Variants in ADAM29 observed in about 807,000 individuals in gnomAD.
The protein encoded by ADAM29 is ADAM metallopeptidase domain 29.
For synonymous variants in ADAM29, 367 were observed against 342.3 expected (o/e 1.07, Z -0.80); for missense variants, 969 against 1,001.8 (o/e 0.97, Z 0.44).
chr4:174,928,340 G>GT (rs1378502817), intron 2 of ADAM29, among the ~76,000 whole-genome samples: 1 of 151,976 alleles, frequency 6.6e-6, no homozygotes, highest in African/African-American at 2.4e-5. Flanking sequence ...TCCTGGAGAT[G>GT]TTTTTTGCCA....
chr4:174,966,004 G>C (rs1441718125), intron 4 of ADAM29, among the ~76,000 whole-genome samples: 1 of 152,186 alleles, frequency 6.6e-6, no homozygotes, highest in African/African-American at 2.4e-5. Flanking sequence ...ACCTCTCGCA[G>C]ATACCAAAAC....
Position 174,975,782 on chromosome 4 carries a change from AGG to A in ADAM29, c.259_260del (p.Gly87CysfsTer4). ...CTCCCTGTGTTCACCTACACAGACC[AGG>A]GTGCTATCCTTGAGGACCAGCCATT... On this transcript the variant is annotated frameshift_variant, in exon 5 of 5. Coordinates refer to ENST00000359240, the MANE Select transcript of ADAM29 (RefSeq NM_014269.4). LOFTEE classifies it low-confidence loss of function (END_TRUNC). The A allele has an allele frequency of 6.2e-7, 1 of 1,614,146 alleles. No individual in the cohort carries two copies. Among genetic ancestry groups the A allele is most frequent in the Non-Finnish European group, 8.5e-7 (1 of 1,180,022 alleles).
rs530784377 is a variant in ADAM29 at position 174,975,849 on chromosome 4, G to A, written c.324G>A (p.Gly108=). The change falls in exon 5 of 5, where the codon GGG becomes GGA. Residue 108 remains glycine (G), a synonymous_variant. Transcript: ENST00000359240. The stretch of plus-strand genomic sequence containing the variant: ...GCTACTATCATGGTTATGTGGAAGG[G>A]GACCCAGAATCCCTGGTTTCCCTCA... ...NNCYYHGYVE[G]DPESLVSLST... is the part of the protein sequence containing the mutation. The A allele has an allele frequency of 1.5e-5, 24 of 1,614,006 alleles. No homozygotes were observed. In the South Asian group the frequency reaches 2.1e-4, roughly 14 times the overall value.
At chr4:174,952,099 A>T (rs1216198887) in intron 4 of ADAM29, among the ~76,000 whole-genome samples, 1 of 152,184 alleles carries the variant, frequency 6.6e-6, no homozygotes, top group Non-Finnish European at 1.5e-5. Flanking sequence ...TGATATATAC[A>T]TGTATCAAAA....
Position 174,951,572 on chromosome 4 carries a change from G to T in ADAM29, c.-181+14559G>T, listed in dbSNP as rs1460372132. On this transcript the variant is annotated intron_variant, in intron 4 of 4. Transcript: ENST00000359240. The stretch of plus-strand genomic sequence containing the variant: ...CCTATTTAGGTATGAAATTGTATTT[G>T]CAGTTATGTTTCAAATCTATCTTCA... 3.3e-5 allele frequency among the ~76,000 whole-genome samples: 5 copies of T among 152,262 alleles called. No individual in the cohort carries two copies. The East Asian group carries it at 9.7e-4, about 29-fold the overall frequency.
chr4:174,926,562 G>A (rs1401414419), intron 2 of ADAM29, among the ~76,000 whole-genome samples: 2 of 151,666 alleles, frequency 1.3e-5, no homozygotes, highest in Non-Finnish European at 2.9e-5. Context: ...CTAGGAGTTC[G>A]AGACCAGCTT....
chr4:174,970,825 A>C (rs527939927), intron 4 of ADAM29, among the ~76,000 whole-genome samples: 2 of 152,270 alleles, frequency 1.3e-5, no homozygotes, highest in East Asian at 1.9e-4. Flanking sequence ...CATCTGTAGT[A>C]ATGTTGCCTC....
At chr4:174,921,738 T>C (rs913211125) in intron 2 of ADAM29, among the ~76,000 whole-genome samples, 3 of 152,170 alleles carry the variant, frequency 2.0e-5, no homozygotes, top group Non-Finnish European at 4.4e-5. Context: ...TTACTAAATA[T>C]GTAATATATG....
chr4:174,976,688 C>G lies in ADAM29; in HGVS notation c.1163C>G (p.Thr388Arg). 5.0e-6 allele frequency: 8 copies of G among 1,613,998 alleles called. No individual in the cohort carries two copies. The highest frequency in any genetic ancestry group is 6.8e-6 in the Non-Finnish European group (8 of 1,179,938). ...GAGAGGACAAAGTGTTTGCTTGAAA[C>G]AGTACACACAAAGGACATCTTTAAT... ...TVERTKCLLE[T>R]VHTKDIFNVK... is the part of the protein sequence containing the mutation. Residue 388 changes from threonine to arginine, a missense_variant, in exon 5 of 5, where the codon ACA becomes AGA. Thr to Arg is a moderately conservative substitution (Grantham distance 71, BLOSUM62 -1). Transcript: ENST00000359240.
At chr4:174,966,286 A>G (rs563907818) in intron 4 of ADAM29, among the ~76,000 whole-genome samples, 45 of 152,320 alleles carry the variant, frequency 3.0e-4, no homozygotes, top group Middle Eastern at 3.4e-3. Context: ...AAGGCTGACT[A>G]TATATTCATT....
intron 4 of ADAM29, among the ~76,000 whole-genome samples, chr4:174,948,233 A>G (rs1309187669): frequency 6.6e-6 from 1 of 152,162 alleles, no homozygotes; most frequent in Non-Finnish European, 1.5e-5. Context: ...TAAGAAGACA[A>G]TCTGGCTTTT....
intron 2 of ADAM29, among the ~76,000 whole-genome samples, chr4:174,925,145 C>G (rs1560858312): frequency 6.6e-6 from 1 of 152,152 alleles, no homozygotes; most frequent in Non-Finnish European, 1.5e-5. Flanking sequence ...GCCAAAGAAG[C>G]TGAAAAAGAC....
At position 174,975,365 on chromosome 4, in the gene ADAM29, C is replaced by A; in HGVS notation, c.-161C>A. ...TTATAGTGCTGCAGCTCTGATGGTT[C>A]AACTCTGCCAAAAGATGGATCTTTA... On this transcript the variant is annotated 5_prime_UTR_variant, in exon 5 of 5. Coordinates refer to ENST00000359240, the MANE Select transcript of ADAM29 (RefSeq NM_014269.4). The A allele has an allele frequency of 1.9e-6, 1 of 527,828 alleles. No individual in the cohort carries two copies. Among genetic ancestry groups the A allele is most frequent in the Non-Finnish European group, 3.0e-6 (1 of 328,638 alleles). 32.7% of individuals were successfully genotyped at this position (527,828 alleles called of 1,614,324 possible).
At chr4:174,936,384 A>G (rs1222352182) in intron 3 of ADAM29, among the ~76,000 whole-genome samples, 1 of 151,964 alleles carries the variant, frequency 6.6e-6, no homozygotes, top group Admixed American at 6.6e-5. Context: ...AACGAAAATA[A>G]ATTTGTTACT....
chr4:174,974,220 C>G (rs570548518), intron 4 of ADAM29, among the ~76,000 whole-genome samples: 1 of 152,148 alleles, frequency 6.6e-6, no homozygotes, highest in African/African-American at 2.4e-5. Context: ...ATGTCTTTGC[C>G]GAGCTTTTCC....
chr4:174,948,267 G>C (rs890095151), intron 4 of ADAM29, among the ~76,000 whole-genome samples: 1 of 152,294 alleles, frequency 6.6e-6, no homozygotes, highest in East Asian at 1.9e-4. Context: ...TTCTCATGCT[G>C]GTTCTTTCTT....
At chr4:174,922,759 TC>T (rs200083795) in intron 2 of ADAM29, among the ~76,000 whole-genome samples, 123 of 152,048 alleles carry the variant, frequency 8.1e-4, no homozygotes, top group East Asian at 3.5e-3. Context: ...AGTTATTTTA[TC>T]CCCCCACTAT....
Position 174,931,091 on chromosome 4 carries a change from A to G in ADAM29, c.-345A>G, listed in dbSNP as rs1303357075. 6.6e-6 allele frequency: 1 copy of G among 152,226 alleles called. No individual in the cohort carries two copies. Among genetic ancestry groups the G allele is most frequent in the African/African-American group, 2.4e-5 (1 of 41,454 alleles). 9.4% of individuals were successfully genotyped at this position (152,226 alleles called of 1,614,324 possible). ...TCAATACTCCTGTGATCGTATAACC[A>G]TCAGCAAGAAAACAAATTTGATTGA... On this transcript the variant is annotated 5_prime_UTR_variant, in exon 3 of 5. Transcript: ENST00000359240.
intron 4 of ADAM29, among the ~76,000 whole-genome samples, chr4:174,971,070 A>T (rs1377076275): frequency 6.6e-6 from 1 of 152,104 alleles, no homozygotes. Flanking sequence ...CTCTTTTAAC[A>T]TATTTTATTT....
Sources: gnomAD v4.1 joint callset for allele counts (sites outside exome capture counted in the v4.1 genomes callset) on GRCh38, gnomAD v4.1.1 for gene constraint, MANE v1.5 for transcripts, NCBI Gene and HGNC (gene_info 2026-07-23, HGNC 2026-07-21) for gene names.